Variants in RYR3 observed in about 807,000 individuals in gnomAD.
The protein encoded by RYR3 is brain ryanodine receptor-calcium release channel.
A neutral mutation model predicts 584.3 loss-of-function variants in RYR3; 207 were observed. The ratio of observed to expected loss-of-function variants is 0.35; its 90% CI spans 0.32 to 0.40. The LOEUF is 0.40. Among genes scored for constraint, RYR3 ranks in the 10% least tolerant of loss-of-function variants. The pLI is 1.00. For synonymous variants in RYR3, 2,416 were observed against 2,248.5 expected, an observed-to-expected ratio of 1.07 and a Z score of -2.11; for missense variants, 5,616 against 6,089.2, an observed-to-expected ratio of 0.92 and a Z score of 2.59.
rs796878162 is a variant in RYR3 at position 33,763,892 on chromosome 15, C to CAAAAAAAAAAA, written c.8706-4752_8706-4742dup. Among the ~76,000 whole-genome samples the CAAAAAAAAAAA allele has an allele frequency of 5.4e-3, 248 of 45,824 alleles. 19 individuals carry two copies. The highest frequency in any genetic ancestry group is 0.011 in the African/African-American group (124 of 11,078). 30.1% of individuals were successfully genotyped at this position (45,824 alleles called of 152,430 possible). ...TGAGTGACAGAGCGAGACTTCATCT[C>CAAAAAAAAAAA]AAAAAAAAAAAAAAAAAAAAAAAAT... On this transcript the variant is annotated intron_variant, in intron 60 of 103. Transcript: ENST00000634891.
chr15:33,338,719 G>T (rs1351967332), intron 1 of RYR3, among the ~76,000 whole-genome samples: 2 of 151,960 alleles, frequency 1.3e-5, no homozygotes, highest in Non-Finnish European at 2.9e-5. Flanking sequence ...TGCCTTTAGG[G>T]TCCCCAAATT....
intron 43 of RYR3, among the ~76,000 whole-genome samples, chr15:33,721,769 T>A (rs2067935171): frequency 1.3e-5 from 2 of 151,462 alleles, no homozygotes; most frequent in African/African-American, 4.8e-5. Context: ...GAGACAGAGT[T>A]TTTTTTTTAT....
intron 63 of RYR3, among the ~76,000 whole-genome samples, chr15:33,772,911 G>A (rs74006000): frequency 0.027 from 4,103 of 152,230 alleles, 168 homozygotes; most frequent in African/African-American, 0.093. Flanking sequence ...AAGTAGTCCC[G>A]GCCTTGGTAT....
intron 1 of RYR3, among the ~76,000 whole-genome samples, chr15:33,318,864 T>G (rs1255646027): frequency 6.6e-6 from 1 of 152,170 alleles, no homozygotes; most frequent in Non-Finnish European, 1.5e-5. Flanking sequence ...TAGAAAAGTG[T>G]TTGAGAGACA....
intron 7 of RYR3, among the ~76,000 whole-genome samples, chr15:33,541,603 G>T (rs2055823510): frequency 6.6e-6 from 1 of 152,114 alleles, no homozygotes; most frequent in South Asian, 2.1e-4. Flanking sequence ...AGCAAGATCA[G>T]AATTTTTAAA....
At chr15:33,798,071 TTGTC>T (rs1192540803) in intron 67 of RYR3, among the ~76,000 whole-genome samples, 21 of 123,328 alleles carry the variant, frequency 1.7e-4, no homozygotes, top group African/African-American at 6.6e-4. Flanking sequence ...CCTCATGCCT[TTGTC>T]TGTCTGTCTT....
rs115348644 is a variant in RYR3 at position 33,756,627 on chromosome 15, G to A, written c.8583+254G>A. ...CTACTCCACCATCTCCGGAGGTGTGGCCTGTGTGCGTGGTTCAGACAGGCT... is the reference window on the plus strand; with the variant it reads ...CTACTCCACCATCTCCGGAGGTGTGACCTGTGTGCGTGGTTCAGACAGGCT... On this transcript the variant is annotated intron_variant, in intron 59 of 103. Coordinates refer to ENST00000634891, the MANE Select transcript of RYR3 (RefSeq NM_001036.6). 5.3e-3 allele frequency among the ~76,000 whole-genome samples: 809 copies of A among 152,230 alleles called. 11 individuals are homozygous for A. Among genetic ancestry groups the A allele is most frequent in the African/African-American group, 0.019 (784 of 41,534 alleles).
chr15:33,640,990 T>C (rs2061785335), intron 27 of RYR3, among the ~76,000 whole-genome samples: 3 of 152,188 alleles, frequency 2.0e-5, no homozygotes, highest in African/African-American at 7.2e-5. Flanking sequence ...GCCCAGTAGG[T>C]CCTTTTATCC....
chr15:33,730,475 G>T (rs536687465), intron 47 of RYR3, among the ~76,000 whole-genome samples: 1 of 152,152 alleles, frequency 6.6e-6, no homozygotes, highest in Admixed American at 6.5e-5. Flanking sequence ...AAGATTAGCT[G>T]TTTCTCCCAG....
chr15:33,538,243 A>G (rs1347248185), intron 5 of RYR3, among the ~76,000 whole-genome samples: 3 of 152,136 alleles, frequency 2.0e-5, no homozygotes, highest in East Asian at 1.9e-4. Flanking sequence ...TCATCAAGGC[A>G]GTAAAAGCTG....
At chr15:33,624,082 C>T (rs1433029071) in intron 20 of RYR3, 59 bp downstream of exon 20, 17 of 1,160,670 alleles carry the variant, frequency 1.5e-5, no homozygotes, top group African/African-American at 9.3e-5. Flanking sequence ...GAGTTAAATA[C>T]TTCTTTCTTT....
rs764595186 is a variant in RYR3, at chr15:33,785,644, A to G, written c.9269-18A>G. 1 of 1,539,146 alleles carries G rather than the reference A, an allele frequency of 6.5e-7. No individual in the cohort carries two copies. The highest frequency in any genetic ancestry group is 1.3e-5 in the South Asian group (1 of 79,130). On this transcript the variant is annotated intron_variant, in intron 65 of 103. Transcript: ENST00000634891. ...TGTGCTTTTGAATTTCTGTCCCTTT[A>G]TTCTTCCTCTCAATCAGTTCTGGGG...
chr15:33,857,819 C>G lies in RYR3; in HGVS notation c.14047C>G (p.Leu4683Val). The G allele has an allele frequency of 6.2e-7, 1 of 1,614,174 alleles. No individual in the cohort carries two copies. The highest frequency in any genetic ancestry group is 8.5e-7 in the Non-Finnish European group (1 of 1,180,014). The part of the protein sequence containing the change: ...TVGLLAVVVY[L>V]YTVVAFNFFR... ...CGGTCTCCTGGCCGTGGTGGTTTAT[C>G]TCTATACTGTGGTGGCTTTCAACTT... is the stretch of plus-strand genomic sequence containing the variant. The change falls in exon 99 of 104, where the codon CTC becomes GTC. Residue 4683 changes from leucine (L) to valine (V), a missense_variant. Transcript: ENST00000634891.
intron 24 of RYR3, among the ~76,000 whole-genome samples, chr15:33,633,792 G>A (rs1342192832): frequency 2.6e-5 from 4 of 152,188 alleles, no homozygotes; most frequent in East Asian, 1.9e-4. Flanking sequence ...CTAAGGAACC[G>A]AGAGGGACAT....
At chr15:33,411,648 G>A (rs1267113668) in intron 1 of RYR3, among the ~76,000 whole-genome samples, 1 of 152,074 alleles carries the variant, frequency 6.6e-6, no homozygotes, top group Non-Finnish European at 1.5e-5. Flanking sequence ...ACAAACTTAC[G>A]ACCACTTCCA....
intron 1 of RYR3, among the ~76,000 whole-genome samples, chr15:33,432,697 T>TGTGTGTGTG (rs1555469372): frequency 3.1e-4 from 46 of 148,990 alleles, no homozygotes; most frequent in African/African-American, 1.1e-3. Context: ...TGTGTGTGTG[T>TGTGTGTGTG]TTAAAGTAGA....
chr15:33,736,914 A>G (rs1322802345), intron 49 of RYR3, among the ~76,000 whole-genome samples: 1 of 151,816 alleles, frequency 6.6e-6, no homozygotes, highest in Non-Finnish European at 1.5e-5. Flanking sequence ...ATGCCCAGCT[A>G]ATTTTTGTGT....
rs760132279 is a variant in RYR3, at chr15:33,662,616, C to T, written c.5086C>T (p.Leu1696=). 5.6e-6 allele frequency: 9 copies of T among 1,613,890 alleles called. No homozygotes were observed. The East Asian group carries it at 1.3e-4, about 24-fold the overall frequency. The change falls in exon 35 of 104, where the codon CTG becomes TTG. Residue 1696 remains leucine, a synonymous_variant. Transcript: ENST00000634891. ...IPLESLRTKA[L]SMLTEAVQCS... ...CTTGGAGAGTCTCAGGACGAAGGCT[C>T]TGAGTATGCTGACAGAGGCAGTGCA...
intron 1 of RYR3, among the ~76,000 whole-genome samples, chr15:33,425,637 ATTTTTTTTTTTTTT>A (rs68182512): frequency 8.2e-6 from 1 of 121,804 alleles, no homozygotes; most frequent in Admixed American, 8.3e-5. Flanking sequence ...GAGACTCACA[ATTTTTTTTTTTTTT>A]TTTTTTTTGA....
Sources: allele counts gnomAD v4.1 joint callset (sites outside exome capture counted in the v4.1 genomes callset), GRCh38; gene constraint gnomAD v4.1.1; transcripts MANE v1.5; gene names NCBI Gene and HGNC (gene_info 2026-07-23, HGNC 2026-07-21).